Variants in TUSC3 observed in about 807,000 individuals in gnomAD.
The protein encoded by TUSC3 is dolichyl-diphosphooligosaccharide--protein glycosyltransferase subunit TUSC3.
In TUSC3, 45 loss-of-function variants were observed where a neutral mutation model predicts 44.8. That is an observed-to-expected ratio of 1.00 (90% CI 0.79 to 1.29). The LOEUF (loss-of-function observed/expected upper bound fraction) is 1.29, where lower values mean the gene tolerates loss of function less well. Among genes scored for constraint, TUSC3 ranks in the 50% most tolerant of loss-of-function variants. The pLI, the probability that TUSC3 is intolerant of heterozygous loss-of-function variation, is 0.00. For synonymous variants in TUSC3, 212 were observed against 152.9 expected (o/e 1.39, Z -2.85); for missense variants, 519 against 437.9 (o/e 1.19, Z -1.65).
chr8:15,590,537 C>G lies in TUSC3; in HGVS notation c.139-32543C>G, dbSNP rs1450273186. 2.0e-5 allele frequency among the ~76,000 whole-genome samples: 3 copies of G among 152,156 alleles called. 1 individual carries two copies. The South Asian group carries it at 6.2e-4, about 32-fold the overall frequency. On this transcript the variant is annotated intron_variant, in intron 1 of 10. Transcript: ENST00000503731. ...TAATTTTTGTTTTGAATTTTATTTA[C>G]TATTTTTAGAGGTTCTAGAATAGAA...
chr8:15,503,300 C>T (rs564614798), intron 2 of TUSC3, among the ~76,000 whole-genome samples: 13 of 152,234 alleles, frequency 8.5e-5, no homozygotes, highest in Admixed American at 2.0e-4. Flanking sequence ...CTAACCCTGC[C>T]GCCTCCTGTA....
At chr8:15,780,842 A>G in the TUSC3 span, among the ~76,000 whole-genome samples, 1 of 152,176 alleles carries the variant, frequency 6.6e-6, no homozygotes, top group Non-Finnish European at 1.5e-5. Context: ...GAAACTGAGA[A>G]TATGTAAGTT....
the TUSC3 span, among the ~76,000 whole-genome samples, chr8:15,819,234 C>A: frequency 6.6e-6 from 1 of 152,084 alleles, no homozygotes. Flanking sequence ...TCAACTATCA[C>A]CTTTAATTAA....
At position 15,662,126 on chromosome 8, in the gene TUSC3, A is replaced by G. The variant is rs781352586; in HGVS notation, c.568-30A>G. Reference sequence around the variant, plus strand: ...AAAAGAAAAATTTTATTTTTCTTTCATTTTTGAAATTTCTATTGCATTTTT... The same window carrying G: ...AAAAGAAAAATTTTATTTTTCTTTCGTTTTTGAAATTTCTATTGCATTTTT... On this transcript the variant is annotated intron_variant, in intron 4 of 10. Coordinates refer to ENST00000503731, the MANE Select transcript of TUSC3 (RefSeq NM_006765.4). 1.4e-5 allele frequency: 23 copies of G among 1,611,602 alleles called. No homozygotes were observed. The South Asian group carries it at 2.3e-4, about 16-fold the overall frequency.
chr8:15,553,925 T>C (rs954392810), intron 1 of TUSC3, among the ~76,000 whole-genome samples: 8 of 151,740 alleles, frequency 5.3e-5, no homozygotes, highest in Non-Finnish European at 1.5e-5. Context: ...TTTTCCCCCA[T>C]GCATATGGTA....
the TUSC3 span, among the ~76,000 whole-genome samples, chr8:15,778,636 G>A: frequency 1.3e-5 from 2 of 152,104 alleles, no homozygotes; most frequent in African/African-American, 2.4e-5. Context: ...GATTCTTTAT[G>A]TATCACTTAG....
At position 15,448,496 on chromosome 8, in the gene TUSC3, T is replaced by C. The variant is rs149635227; in HGVS notation, n.91+31191T>C. 7.2e-3 allele frequency among the ~76,000 whole-genome samples: 1,097 copies of C among 152,256 alleles called. 16 individuals carry two copies. The highest frequency in any genetic ancestry group is 0.025 in the African/African-American group (1,039 of 41,534). On this transcript the variant is annotated intron_variant and non_coding_transcript_variant, in intron 1 of 5. Transcript: ENST00000503191. The stretch of plus-strand genomic sequence containing the variant: ...TTTGGAGATTTTACCCTTTCACAGA[T>C]GTCCCTCCCAACTCCCTAGTCTTTC...
At chr8:15,762,388 TTAC>T (rs1812198787) in intron 10 of TUSC3, among the ~76,000 whole-genome samples, 1 of 151,738 alleles carries the variant, frequency 6.6e-6, no homozygotes, top group Non-Finnish European at 1.5e-5. Context: ...GTTAAGAAAA[TTAC>T]TAAATGAAAA....
At chr8:15,587,715 A>G (rs1803657245) in intron 1 of TUSC3, among the ~76,000 whole-genome samples, 1 of 151,978 alleles carries the variant, frequency 6.6e-6, no homozygotes, top group South Asian at 2.1e-4. Context: ...ACCTCACCCT[A>G]TCCTCTCCTT....
chr8:15,515,915 T>G (rs1801210649), intron 2 of TUSC3, among the ~76,000 whole-genome samples: 1 of 152,018 alleles, frequency 6.6e-6, no homozygotes, highest in Non-Finnish European at 1.5e-5. Flanking sequence ...GTGATCCACC[T>G]TCCTTGGCCT....
At chr8:15,433,569 T>A (rs1181404157) in intron 1 of TUSC3, among the ~76,000 whole-genome samples, 2 of 151,724 alleles carry the variant, frequency 1.3e-5, no homozygotes, top group Non-Finnish European at 2.9e-5. Flanking sequence ...CCTTCACACG[T>A]ATACACACAC....
At chr8:15,664,431 T>C (rs1344604313) in intron 5 of TUSC3, among the ~76,000 whole-genome samples, 1 of 139,362 alleles carries the variant, frequency 7.2e-6, no homozygotes, top group Admixed American at 7.7e-5. Flanking sequence ...TGCTATGTTA[T>C]ACAGATTTAT....
the TUSC3 span, among the ~76,000 whole-genome samples, chr8:15,834,772 C>G: frequency 3.9e-5 from 6 of 151,980 alleles, no homozygotes; most frequent in African/African-American, 1.4e-4. Flanking sequence ...AGGTCATTTC[C>G]TTTTCTTTGT....
At chr8:15,705,618 C>T (rs1196862360) in intron 6 of TUSC3, among the ~76,000 whole-genome samples, 1 of 152,026 alleles carries the variant, frequency 6.6e-6, no homozygotes, top group Non-Finnish European at 1.5e-5. Context: ...TCTCAGAAGG[C>T]TGAATTCCAA....
chr8:15,732,000 T>C (rs914306422), intron 7 of TUSC3, among the ~76,000 whole-genome samples: 12 of 152,236 alleles, frequency 7.9e-5, no homozygotes, highest in Non-Finnish European at 1.8e-4. Context: ...GACTTCCTCG[T>C]TTGTAAAATC....
At chr8:15,508,066 A>T (rs1162942989) in intron 2 of TUSC3, among the ~76,000 whole-genome samples, 1 of 151,886 alleles carries the variant, frequency 6.6e-6, no homozygotes, top group Non-Finnish European at 1.5e-5. Flanking sequence ...ACATGGGGAA[A>T]CCCGTCTCTA....
chr8:15,473,908 A>C (rs73534261), intron 1 of TUSC3, among the ~76,000 whole-genome samples: 4,336 of 152,212 alleles, frequency 0.028, 209 homozygotes, highest in African/African-American at 0.098. Context: ...TCTGATGTCA[A>C]ATTTACCAGG....
the TUSC3 span, among the ~76,000 whole-genome samples, chr8:15,834,053 G>A: frequency 2.0e-5 from 3 of 151,966 alleles, no homozygotes; most frequent in African/African-American, 7.2e-5. Flanking sequence ...GTATCACAAT[G>A]AATTAGCTTT....
chr8:15,771,600 A>C (rs192933324), downstream of TUSC3, among the ~76,000 whole-genome samples: 57 of 152,250 alleles, frequency 3.7e-4, no homozygotes, highest in African/African-American at 1.3e-3. Context: ...ACAGTGTATA[A>C]ATAAACTGGA....
Sources: gnomAD v4.1 joint callset for allele counts (sites outside exome capture counted in the v4.1 genomes callset) on GRCh38, gnomAD v4.1.1 for gene constraint, MANE v1.5 for transcripts, NCBI Gene and HGNC (gene_info 2026-07-23, HGNC 2026-07-21) for gene names.